The following DOK6 variants were observed in gnomAD, a reference collection of about 807,000 sequenced individuals.
DOK6 encodes downstream of tyrosine kinase 6.
In DOK6, 22 loss-of-function variants were observed where a neutral mutation model predicts 44.0. That is an observed-to-expected ratio of 0.50 (90% CI 0.36 to 0.71). The LOEUF (loss-of-function observed/expected upper bound fraction) is 0.71. Ranked by LOEUF, DOK6 falls within the 30% of genes least tolerant of loss-of-function variation. The pLI, the probability that DOK6 is intolerant of heterozygous loss-of-function variation, is 0.00. For synonymous variants in DOK6, 166 were observed against 145.5 expected (o/e 1.14, Z -1.01); for missense variants, 340 against 416.4 (o/e 0.82, Z 1.60).
At chr18:69,715,014 G>A (rs1986851529) in intron 5 of DOK6, among the ~76,000 whole-genome samples, 1 of 152,038 alleles carries the variant, frequency 6.6e-6, no homozygotes, top group South Asian at 2.1e-4. Flanking sequence ...ATTACCTAGG[G>A]AAAAGCTCTA....
chr18:69,596,783 AT>A (rs1290455617), intron 2 of DOK6, among the ~76,000 whole-genome samples: 3 of 152,144 alleles, frequency 2.0e-5, no homozygotes, highest in Non-Finnish European at 4.4e-5. Flanking sequence ...ATGCATATTT[AT>A]TTTTTTCCTC....
intron 1 of DOK6, among the ~76,000 whole-genome samples, chr18:69,553,858 A>G (rs1982624540): frequency 6.6e-6 from 1 of 152,188 alleles, no homozygotes; most frequent in African/African-American, 2.4e-5. Flanking sequence ...CATCTTAACC[A>G]AAAGCTGTTT....
chr18:69,787,173 G>A (rs971177334), intron 7 of DOK6, among the ~76,000 whole-genome samples: 1 of 152,132 alleles, frequency 6.6e-6, no homozygotes, highest in Non-Finnish European at 1.5e-5. Context: ...CTGAGATCAC[G>A]CCACTGCATT....
chr18:69,720,049 T>A (rs1986971596), intron 5 of DOK6, among the ~76,000 whole-genome samples: 1 of 152,038 alleles, frequency 6.6e-6, no homozygotes, highest in Non-Finnish European at 1.5e-5. Context: ...ATTAGCCAGG[T>A]GTGGTGGCAC....
intron 7 of DOK6, among the ~76,000 whole-genome samples, chr18:69,791,775 T>C (rs917669730): frequency 2.6e-5 from 4 of 152,148 alleles, no homozygotes; most frequent in Admixed American, 2.6e-4. Context: ...ATTTGTCCAT[T>C]TTTGCTTGGG....
intron 7 of DOK6, among the ~76,000 whole-genome samples, chr18:69,795,918 C>T (rs977317281): frequency 1.3e-5 from 2 of 152,186 alleles, no homozygotes; most frequent in Non-Finnish European, 2.9e-5. Flanking sequence ...GCTTTGACCA[C>T]GTAGGGAAAG....
chr18:69,542,212 C>T (rs1168015058), intron 1 of DOK6, among the ~76,000 whole-genome samples: 1 of 151,438 alleles, frequency 6.6e-6, no homozygotes, highest in African/African-American at 2.4e-5. Flanking sequence ...AAATAGGAAA[C>T]CAACTTAGCA....
chr18:69,768,394 C>T, intron 7 of DOK6, among the ~76,000 whole-genome samples: 1 of 151,790 alleles, frequency 6.6e-6, no homozygotes, highest in Non-Finnish European at 1.5e-5. Context: ...ATATACTTCC[C>T]TCAAACATGT....
At chr18:69,769,219 G>A (rs1435846523) in intron 7 of DOK6, among the ~76,000 whole-genome samples, 1 of 151,962 alleles carries the variant, frequency 6.6e-6, no homozygotes, top group African/African-American at 2.4e-5. Context: ...TTACATATAT[G>A]TAAAATTATT....
chr18:69,664,916 C>T (rs149731894), intron 3 of DOK6, among the ~76,000 whole-genome samples: 3 of 152,116 alleles, frequency 2.0e-5, no homozygotes, highest in Non-Finnish European at 4.4e-5. Flanking sequence ...CGATGGCTCA[C>T]GCCTGTAATC....
At chr18:69,461,728 ATTG>A (rs1189093170) in intron 1 of DOK6, among the ~76,000 whole-genome samples, 3 of 152,064 alleles carry the variant, frequency 2.0e-5, no homozygotes, top group African/African-American at 4.8e-5. Flanking sequence ...TCATAGTCCT[ATTG>A]TTGTTTGCTA....
At chr18:69,659,647 GC>G (rs1263189228) in intron 3 of DOK6, among the ~76,000 whole-genome samples, 1 of 152,020 alleles carries the variant, frequency 6.6e-6, no homozygotes, top group African/African-American at 2.4e-5. Flanking sequence ...GTGTTTTACA[GC>G]CCTAATTTGT....
chr18:69,412,470 T>G (rs972137276), intron 1 of DOK6, among the ~76,000 whole-genome samples: 4 of 152,146 alleles, frequency 2.6e-5, no homozygotes, highest in African/African-American at 9.6e-5. Context: ...CTCCCAGAGA[T>G]TCTACCTTAA....
intron 5 of DOK6, among the ~76,000 whole-genome samples, chr18:69,738,241 T>C (rs1371316177): frequency 6.6e-6 from 1 of 152,242 alleles, no homozygotes; most frequent in African/African-American, 2.4e-5. Flanking sequence ...TTTTATGTTA[T>C]AACTTGAAAA....
chr18:69,746,840 T>C (rs1444979860), intron 6 of DOK6, among the ~76,000 whole-genome samples: 1 of 152,170 alleles, frequency 6.6e-6, no homozygotes, highest in Admixed American at 6.5e-5. Flanking sequence ...GTGTTCTGTC[T>C]TGAACATGAG....
intron 1 of DOK6, among the ~76,000 whole-genome samples, chr18:69,488,337 C>T (rs56194870): frequency 0.31 from 46,775 of 151,912 alleles, 7,546 homozygotes; most frequent in East Asian, 0.57. Flanking sequence ...GGGACACAAA[C>T]GTTCAGTCTT....
chr18:69,673,526 A>G (rs1985855489), intron 3 of DOK6, among the ~76,000 whole-genome samples: 1 of 152,214 alleles, frequency 6.6e-6, no homozygotes, highest in South Asian at 2.1e-4. Flanking sequence ...CTGAAACAAC[A>G]CAGGGAGGAG....
At chr18:69,793,344 T>C (rs565443014) in intron 7 of DOK6, among the ~76,000 whole-genome samples, 100 of 152,278 alleles carry the variant, frequency 6.6e-4, no homozygotes, top group African/African-American at 2.3e-3. Context: ...TTTTTACCTA[T>C]CTCCAAGGAA....
intron 2 of DOK6, among the ~76,000 whole-genome samples, chr18:69,585,137 T>C (rs1983469417): frequency 6.6e-6 from 1 of 152,028 alleles, no homozygotes; most frequent in East Asian, 1.9e-4. Flanking sequence ...TGTCAACCTG[T>C]TTTGTTCATT....
Sources: gnomAD v4.1 joint callset for allele counts (sites outside exome capture counted in the v4.1 genomes callset) on GRCh38, gnomAD v4.1.1 for gene constraint, MANE v1.5 for transcripts, NCBI Gene and HGNC (gene_info 2026-07-23, HGNC 2026-07-21) for gene names.